The following GPM6A variants were observed in gnomAD, a reference collection of about 807,000 sequenced individuals.
The protein encoded by GPM6A is neuronal membrane glycoprotein M6-a.
Under a neutral mutation model 32.1 loss-of-function variants are expected in GPM6A, and 7 were observed. That is an observed-to-expected ratio of 0.22 (90% CI 0.12 to 0.41). GPM6A has a LOEUF of 0.41. Among genes scored for constraint, GPM6A ranks in the 10% least tolerant of loss-of-function variants. The pLI, the probability that GPM6A is intolerant of heterozygous loss-of-function variation, is 1.00. For missense variants in GPM6A, 235 were observed against 347.2 expected, an observed-to-expected ratio of 0.68 and a Z score of 2.57; for synonymous variants, 130 against 123.4, an observed-to-expected ratio of 1.05 and a Z score of -0.35.
At chr4:175,829,647 TAATA>T (rs1560954905) in intron 1 of GPM6A, among the ~76,000 whole-genome samples, 1 of 11,046 alleles carries the variant, frequency 9.1e-5, no homozygotes, top group African/African-American at 1.2e-4. Context: ...GTCATTTATG[TAATA>T]TATATATATA....
At chr4:175,941,447 T>G (rs183036859) in intron 1 of GPM6A, among the ~76,000 whole-genome samples, 3 of 152,284 alleles carry the variant, frequency 2.0e-5, no homozygotes, top group Admixed American at 6.5e-5. Context: ...CATGCAGGTT[T>G]GTCACATAGG....
intron 1 of GPM6A, chr4:175,960,880 T>C (rs897126971): frequency 3.3e-5 from 5 of 152,224 alleles, no homozygotes; most frequent in Non-Finnish European, 5.9e-5. Context: ...TTTTAAAATA[T>C]GAAGTTGTTT....
Position 175,633,076 on chromosome 4 carries a change from C to A in GPM6A, c.*1829G>T, listed in dbSNP as rs1329217133. 1 of 152,390 alleles carries A rather than the reference C, an allele frequency of 6.6e-6. No individual in the cohort carries two copies. The highest frequency in any genetic ancestry group is 1.5e-5 in the Non-Finnish European group (1 of 67,896). 9.4% of individuals were successfully genotyped at this position (152,390 alleles called of 1,614,324 possible). On this transcript the variant is annotated 3_prime_UTR_variant, in exon 7 of 7. Coordinates refer to ENST00000393658, the MANE Select transcript of GPM6A (RefSeq NM_201591.3). ...TAATTGTAATGCCTGCTACAAAGCA[C>A]TCTGTGAAAATACAAACTCTAATAC...
chr4:175,938,647 G>A (rs552697539), intron 1 of GPM6A, among the ~76,000 whole-genome samples: 59 of 150,522 alleles, frequency 3.9e-4, no homozygotes, highest in African/African-American at 1.4e-3. Context: ...CCTTAATTAT[G>A]TAAGGATACA....
chr4:175,721,804 T>C (rs1746149777), intron 1 of GPM6A, among the ~76,000 whole-genome samples: 1 of 152,180 alleles, frequency 6.6e-6, no homozygotes, highest in African/African-American at 2.4e-5. Context: ...ATTGAAAAGA[T>C]TATTTTTACC....
intron 1 of GPM6A, among the ~76,000 whole-genome samples, chr4:175,976,828 A>G (rs1189506996): frequency 6.6e-6 from 1 of 152,228 alleles, no homozygotes; most frequent in Non-Finnish European, 1.5e-5. Flanking sequence ...GAACTCAAGT[A>G]AAACACACAA....
chr4:175,675,141 C>T (rs1743294306), intron 2 of GPM6A, among the ~76,000 whole-genome samples: 1 of 151,842 alleles, frequency 6.6e-6, no homozygotes, highest in Non-Finnish European at 1.5e-5. Flanking sequence ...TCATTCCATA[C>T]ATATGCTCCA....
intron 1 of GPM6A, among the ~76,000 whole-genome samples, chr4:175,759,009 A>G (rs747915220): frequency 3.2e-4 from 49 of 152,180 alleles, no homozygotes; most frequent in Non-Finnish European, 5.4e-4. Context: ...CATGCAGCAC[A>G]CAGTTATACT....
chr4:175,735,085 T>G (rs1731604141), intron 1 of GPM6A, among the ~76,000 whole-genome samples: 2 of 152,234 alleles, frequency 1.3e-5, no homozygotes. Context: ...TTGGTGCAAC[T>G]TATAATAGTT....
chr4:175,819,207 T>C (rs934344561), intron 1 of GPM6A, among the ~76,000 whole-genome samples: 1 of 152,068 alleles, frequency 6.6e-6, no homozygotes, highest in Admixed American at 6.6e-5. Context: ...CAAACACTAC[T>C]ACTAATTGAG....
intron 1 of GPM6A, among the ~76,000 whole-genome samples, chr4:175,833,029 C>T (rs1735662195): frequency 2.0e-5 from 3 of 152,144 alleles, no homozygotes; most frequent in Non-Finnish European, 2.9e-5. Context: ...AAAGCAACAC[C>T]AGAAAGAAGA....
At chr4:175,844,121 A>G (rs571899799) in intron 1 of GPM6A, among the ~76,000 whole-genome samples, 1 of 152,214 alleles carries the variant, frequency 6.6e-6, no homozygotes, top group Non-Finnish European at 1.5e-5. Context: ...TGTTGTATCC[A>G]GAGTTGAGCC....
chr4:175,693,606 A>G lies in GPM6A; in HGVS notation c.230+7969T>C, dbSNP rs192027533. On this transcript the variant is annotated intron_variant, in intron 2 of 6. Coordinates refer to ENST00000393658, the MANE Select transcript of GPM6A (RefSeq NM_201591.3). ...AAAAGATTTTTGGAAAGTTCTTTATATGATGCCAAGAAAGTATTTCTCTAT... is the reference window on the plus strand; with the variant it reads ...AAAAGATTTTTGGAAAGTTCTTTATGTGATGCCAAGAAAGTATTTCTCTAT... Among the ~76,000 whole-genome samples the G allele has an allele frequency of 3.1e-3, 473 of 152,244 alleles. 1 individual carries two copies. The highest frequency in any genetic ancestry group is 4.7e-3 in the Non-Finnish European group (320 of 68,014).
intron 1 of GPM6A, among the ~76,000 whole-genome samples, chr4:175,892,617 G>T (rs756462507): frequency 6.6e-6 from 1 of 152,058 alleles, no homozygotes; most frequent in Non-Finnish European, 1.5e-5. Context: ...TCTTTCATTT[G>T]CTTGATCCCT....
chr4:175,865,717 T>C (rs1468699977), intron 1 of GPM6A, among the ~76,000 whole-genome samples: 1 of 152,166 alleles, frequency 6.6e-6, no homozygotes, highest in Non-Finnish European at 1.5e-5. Flanking sequence ...AGACTTTTTT[T>C]CTTACTTTTA....
chr4:175,870,769 T>C (rs1051083669), intron 1 of GPM6A, among the ~76,000 whole-genome samples: 1 of 152,184 alleles, frequency 6.6e-6, no homozygotes, highest in Admixed American at 6.5e-5. Context: ...GACAGCTAAG[T>C]TGGGAGCCTG....
intron 1 of GPM6A, among the ~76,000 whole-genome samples, chr4:175,912,329 A>G (rs1738346721): frequency 6.6e-6 from 1 of 152,120 alleles, no homozygotes; most frequent in Non-Finnish European, 1.5e-5. Context: ...TTTGATTTAT[A>G]TACCACTTCT....
chr4:175,750,968 G>A lies in GPM6A; in HGVS notation c.38-49201C>T, dbSNP rs528571150. Among the ~76,000 whole-genome samples, 9 of 152,156 alleles carry A rather than the reference G, an allele frequency of 5.9e-5. No individual in the cohort carries two copies. The East Asian group carries it at 7.7e-4, about 13-fold the overall frequency. On this transcript the variant is annotated intron_variant, in intron 1 of 6. Transcript: ENST00000393658. ...ATAATTATAATCTTCAGGGAAATTCGTTTATTCGCAGATAAAGTATATGTG... is the reference window on the plus strand; with the variant it reads ...ATAATTATAATCTTCAGGGAAATTCATTTATTCGCAGATAAAGTATATGTG...
intron 1 of GPM6A, among the ~76,000 whole-genome samples, chr4:175,730,341 C>G (rs1049452646): frequency 6.6e-6 from 1 of 152,042 alleles, no homozygotes; most frequent in African/African-American, 2.4e-5. Flanking sequence ...CTCCCGGGTT[C>G]AAGCAATTCG....
Sources: allele counts gnomAD v4.1 joint callset (sites outside exome capture counted in the v4.1 genomes callset), GRCh38; gene constraint gnomAD v4.1.1; transcripts MANE v1.5; gene names NCBI Gene and HGNC (gene_info 2026-07-23, HGNC 2026-07-21).